MAPK10: variants seen among roughly 807,000 people sequenced by gnomAD.
MAPK10 encodes mitogen-activated protein kinase 10, also known as JNK3 alpha protein kinase.
Under a neutral mutation model 59.3 loss-of-function variants are expected in MAPK10, and 25 were observed. The observed-to-expected ratio is 0.42, with a 90% confidence interval of 0.31 to 0.59. The LOEUF is 0.59. MAPK10 is among the 20% of genes least tolerant of loss of function. MAPK10 has a pLI of 0.15. For synonymous variants in MAPK10, 190 were observed against 200.5 expected, an observed-to-expected ratio of 0.95 and a Z score of 0.44; for missense variants, 351 against 568.9, an observed-to-expected ratio of 0.62 and a Z score of 3.90.
chr4:86,514,762 G>A (rs938500139), intron 1 of MAPK10, among the ~76,000 whole-genome samples: 1 of 152,190 alleles, frequency 6.6e-6, no homozygotes. Context: ...TCAATCTGGG[G>A]AAAGAAGCAT....
intron 2 of MAPK10, among the ~76,000 whole-genome samples, chr4:86,221,643 C>T (rs2089631373): frequency 6.6e-6 from 1 of 151,852 alleles, no homozygotes; most frequent in African/African-American, 2.4e-5. Flanking sequence ...CACACCACCA[C>T]ACCTGGCTGA....
At chr4:86,529,418 T>C (rs1367855203) in intron 1 of MAPK10, among the ~76,000 whole-genome samples, 1 of 152,128 alleles carries the variant, frequency 6.6e-6, no homozygotes, top group East Asian at 1.9e-4. Context: ...GGCCCCCACC[T>C]CCACCTAGAA....
chr4:86,521,112 C>T (rs972156181), intron 1 of MAPK10, among the ~76,000 whole-genome samples: 2 of 152,182 alleles, frequency 1.3e-5, no homozygotes, highest in African/African-American at 4.8e-5. Context: ...GTGAAGCTTT[C>T]ATGTGGACAG....
In MAPK10 at chr4:86,367,848, G is replaced by A. The variant is rs369705790; in HGVS notation, c.-121-13204C>T. ...CAGTCGCCAAACATCAGTCATCATT[G>A]GCTACTATCCAGTAGCCAAACCCAT... On this transcript the variant is annotated intron_variant, in intron 1 of 13. Transcript: ENST00000361569. Among the ~76,000 whole-genome samples, 7 of 151,906 alleles carry A rather than the reference G, an allele frequency of 4.6e-5. No individual in the cohort carries two copies. In the East Asian group the frequency reaches 7.8e-4, roughly 17 times the overall value.
intron 4 of MAPK10, among the ~76,000 whole-genome samples, chr4:86,128,103 T>C (rs2060368027): frequency 6.6e-6 from 1 of 152,128 alleles, no homozygotes; most frequent in Non-Finnish European, 1.5e-5. Flanking sequence ...ATGCATCCAA[T>C]AGTCCTATAA....
intron 4 of MAPK10, among the ~76,000 whole-genome samples, chr4:86,134,691 C>A (rs953213313): frequency 6.6e-6 from 1 of 152,118 alleles, no homozygotes; most frequent in Non-Finnish European, 1.5e-5. Flanking sequence ...GCCAAGATGG[C>A]CGAATAGGAA....
intron 1 of MAPK10, among the ~76,000 whole-genome samples, chr4:86,386,426 G>C (rs1741480874): frequency 6.6e-6 from 1 of 152,164 alleles, no homozygotes; most frequent in African/African-American, 2.4e-5. Flanking sequence ...GAAAAGATCT[G>C]CCTGCCCTAG....
chr4:86,346,365 A>C (rs1051182053), intron 2 of MAPK10, among the ~76,000 whole-genome samples: 1 of 152,186 alleles, frequency 6.6e-6, no homozygotes, highest in Non-Finnish European at 1.5e-5. Context: ...TCAACTCTGC[A>C]TTACCTATGG....
At chr4:86,468,647 A>G (rs1474413739) in intron 1 of MAPK10, among the ~76,000 whole-genome samples, 1 of 152,146 alleles carries the variant, frequency 6.6e-6, no homozygotes, top group African/African-American at 2.4e-5. Flanking sequence ...TGAGGTCAGG[A>G]GTTTGGGATC....
At chr4:86,032,133 A>G (rs775878520) in intron 11 of MAPK10, 3 of 152,176 alleles carry the variant, frequency 2.0e-5, no homozygotes, top group Non-Finnish European at 4.4e-5. Context: ...GAAATGATGC[A>G]ATAGGGCCTT....
At chr4:86,095,918 T>G (rs139480557) in intron 9 of MAPK10, among the ~76,000 whole-genome samples, 94 of 151,874 alleles carry the variant, frequency 6.2e-4, no homozygotes, top group African/African-American at 2.2e-3. Context: ...AAGGAAACAT[T>G]TTTTCTAACC....
intron 1 of MAPK10, among the ~76,000 whole-genome samples, chr4:86,572,280 A>G (rs565145015): frequency 6.6e-6 from 1 of 152,300 alleles, no homozygotes; most frequent in East Asian, 1.9e-4. Flanking sequence ...GGAATAAGAA[A>G]GGATATCATA....
At chr4:86,548,661 A>C (rs958041875) in intron 1 of MAPK10, among the ~76,000 whole-genome samples, 1 of 152,174 alleles carries the variant, frequency 6.6e-6, no homozygotes, top group African/African-American at 2.4e-5. Flanking sequence ...TAGCCCATGG[A>C]ACCATGAGCC....
intron 1 of MAPK10, among the ~76,000 whole-genome samples, chr4:86,450,153 A>G (rs1750534443): frequency 6.6e-6 from 1 of 152,250 alleles, no homozygotes; most frequent in Admixed American, 6.5e-5. Flanking sequence ...CATAGCAGCA[A>G]TAGAGAACTA....
chr4:86,372,445 A>T (rs1738914070), intron 1 of MAPK10, among the ~76,000 whole-genome samples: 1 of 151,734 alleles, frequency 6.6e-6, no homozygotes, highest in Admixed American at 6.6e-5. Context: ...TGAACCCAGG[A>T]GGCGGAGGTT....
chr4:86,471,321 A>G (rs1752647729), intron 1 of MAPK10, among the ~76,000 whole-genome samples: 1 of 151,882 alleles, frequency 6.6e-6, no homozygotes. Flanking sequence ...ATATAGTACA[A>G]TTGCAATAAA....
intron 1 of MAPK10, among the ~76,000 whole-genome samples, chr4:86,374,954 C>G (rs1424717116): frequency 6.6e-6 from 1 of 152,314 alleles, no homozygotes; most frequent in African/African-American, 2.4e-5. Context: ...ATCCAGTTAA[C>G]AAATATTCAT....
intron 4 of MAPK10, among the ~76,000 whole-genome samples, chr4:86,154,149 T>A (rs996996126): frequency 4.6e-5 from 7 of 152,112 alleles, no homozygotes; most frequent in Admixed American, 3.9e-4. Flanking sequence ...GTCTGTTTTG[T>A]ATTATTGAGG....
At chr4:86,029,885 T>G (rs959460126) in intron 12 of MAPK10, among the ~76,000 whole-genome samples, 15 of 152,098 alleles carry the variant, frequency 9.9e-5, no homozygotes, top group African/African-American at 3.6e-4. Flanking sequence ...CATTAAAAAA[T>G]TTAGTTCATT....
Sources: gnomAD v4.1 joint callset for allele counts (sites outside exome capture counted in the v4.1 genomes callset) on GRCh38, gnomAD v4.1.1 for gene constraint, MANE v1.5 for transcripts, NCBI Gene and HGNC (gene_info 2026-07-23, HGNC 2026-07-21) for gene names.